Variants in TTC19 observed in about 807,000 individuals in gnomAD.
TTC19 encodes tetratricopeptide repeat domain 19.
Under a neutral mutation model 49.5 loss-of-function variants are expected in TTC19, and 38 were observed. The ratio of observed to expected loss-of-function variants is 0.77; its 90% CI spans 0.59 to 1.01. TTC19 has a LOEUF of 1.01. Ranked by LOEUF, TTC19 falls within the 50% of genes least tolerant of loss-of-function variation. TTC19 has a pLI of 0.00. For synonymous variants in TTC19, 204 were observed against 185.2 expected (o/e 1.10, Z -0.83); for missense variants, 475 against 477.7 (o/e 0.99, Z 0.05).
chr17:16,026,992 T>C (rs1971582415), intron 9 of TTC19: 1 of 532,928 alleles, frequency 1.9e-6, no homozygotes, highest in African/African-American at 1.9e-5. Context: ...TCTAAATGTG[T>C]TCAGTTACAA....
intron 2 of TTC19, chr17:16,044,475 G>A (rs1421049824): frequency 2.1e-6 from 1 of 474,120 alleles, no homozygotes; most frequent in East Asian, 6.9e-5. Context: ...GTAGATCACA[G>A]AAATAAAGCA....
In TTC19 at chr17:16,003,876, G is replaced by A. The variant is rs547548279; in HGVS notation, c.508G>A (p.Gly170Ser). 8 of 1,613,864 alleles carry A rather than the reference G, an allele frequency of 5.0e-6. No individual in the cohort carries two copies. Among genetic ancestry groups the A allele is most frequent in the South Asian group, 3.3e-5 (3 of 91,028 alleles). The change falls in exon 5 of 10, where the codon GGC (glycine) becomes AGC (serine). Residue 170 changes from glycine (G) to serine (S), a missense_variant. Physicochemically the swap from Gly to Ser is moderately conservative, Grantham distance 56. Coordinates refer to ENST00000261647, the MANE Select transcript of TTC19 (RefSeq NM_017775.4). ...KATMSYLLGG[G>S]MKQEDNAIIE... ...AACAATGAGTTACCTCCTTGGAGGG[G>A]GCATGAAGCAGGTAAGGACATTGCC...
rs763910870 is a variant in TTC19 at position 16,006,455 on chromosome 17, T to A, written c.582-19T>A. 1 of 1,534,368 alleles carries A rather than the reference T, an allele frequency of 6.5e-7. No homozygotes were observed. Among genetic ancestry groups the A allele is most frequent in the South Asian group, 1.1e-5 (1 of 89,442 alleles). On this transcript the variant is annotated intron_variant, in intron 6 of 9. Transcript: ENST00000261647. ...AAAGAAGAAAAGGTAAATGGCTGAT[T>A]ATTGATTTTGCTTTACAGACAGGAA...
chr17:15,999,906 C>T lies in TTC19; in HGVS notation c.58C>T (p.Arg20Trp), dbSNP rs1970661802. ...GRGFLRAAGR[R>W]CRGCSARLLP... The stretch of plus-strand genomic sequence containing the variant: ...AGGCTTCCTGCGGGCCGCGGGGCGG[C>T]GGTGCCGGGGCTGCTCCGCGCGCCT... Residue 20 changes from arginine to tryptophan, a missense_variant, in exon 1 of 10, where the codon CGG (arginine) becomes TGG (tryptophan). By Grantham distance (101) the Arg-to-Trp change is moderately radical. Transcript: ENST00000261647. 21 of 1,394,324 alleles carry T rather than the reference C, an allele frequency of 1.5e-5. No homozygotes were observed. Among genetic ancestry groups the T allele is most frequent in the South Asian group, 4.8e-5 (3 of 62,486 alleles). 86.4% of individuals were successfully genotyped at this position (1,394,324 alleles called of 1,614,324 possible). A position where few individuals can be genotyped will look rare whatever the true frequency, so the allele number is the denominator to read the frequency against.
At chr17:16,006,429 A>G (rs772395871) in intron 6 of TTC19, 45 bp from the exon 7 acceptor site, 1 of 1,408,224 alleles carries the variant, frequency 7.1e-7, no homozygotes. Flanking sequence ...GAAGAAAAAA[A>G]AAAGAAGAAA....
At chr17:16,023,435 A>T (rs1971444302) in intron 7 of TTC19, 1 of 152,194 alleles carries the variant, frequency 6.6e-6, no homozygotes, top group African/African-American at 2.4e-5. Context: ...CTAGTATATC[A>T]ACTTTGGAAA....
chr17:16,029,274 T>C lies in TTC19; in HGVS notation c.*1752T>C, dbSNP rs1266457596. 1 of 453,094 alleles carries C rather than the reference T, an allele frequency of 2.2e-6. No homozygotes were observed. The highest frequency in any genetic ancestry group is 4.4e-6 in the Non-Finnish European group (1 of 226,518). The allele number at this position is 453,094 out of a possible 1,614,324, so 28.1% of individuals were successfully genotyped here. A position where few individuals can be genotyped will look rare whatever the true frequency, so the allele number is the denominator to read the frequency against. On this transcript the variant is annotated 3_prime_UTR_variant, in exon 10 of 10. Transcript: ENST00000261647. ...AGGACAGTCTCTTCATGTGGGTGTTTTCATTACAGTTCATTTACACTGTTG... is the reference window on the plus strand; with the variant it reads ...AGGACAGTCTCTTCATGTGGGTGTTCTCATTACAGTTCATTTACACTGTTG...
chr17:16,034,646 T>A (rs1973746641), intron 2 of TTC19: 1 of 904,422 alleles, frequency 1.1e-6, no homozygotes, highest in Admixed American at 2.4e-5. Flanking sequence ...ATATTAATGA[T>A]ACAGAAATGG....
chr17:16,011,048 A>G (rs1971053965), intron 7 of TTC19, among the ~76,000 whole-genome samples: 1 of 152,178 alleles, frequency 6.6e-6, no homozygotes, highest in African/African-American at 2.4e-5. Context: ...TGTTATGTAT[A>G]TGCCAGATTC....
rs59895846 is a variant in TTC19 at position 16,022,038 on chromosome 17, G to A, written c.677-2979G>A. Reference sequence around the variant, plus strand: ...GTGCCTGTGGTCGGGGGGTTAAGGGGAGTGTAGGCTGGAGTGGTGCAATTT... The same window carrying A: ...GTGCCTGTGGTCGGGGGGTTAAGGGAAGTGTAGGCTGGAGTGGTGCAATTT... On this transcript the variant is annotated intron_variant, in intron 7 of 9. Coordinates refer to ENST00000261647, the MANE Select transcript of TTC19 (RefSeq NM_017775.4). 8.3e-3 allele frequency among the ~76,000 whole-genome samples: 1,270 copies of A among 152,258 alleles called. 16 individuals are homozygous for A. Among genetic ancestry groups the A allele is most frequent in the African/African-American group, 0.029 (1,197 of 41,548 alleles).
chr17:16,040,522 T>C (rs749026622), intron 2 of TTC19: 7 of 1,601,488 alleles, frequency 4.4e-6, no homozygotes, highest in Admixed American at 1.7e-5. Context: ...TTCAAGTTAA[T>C]TAAGATGTGA....
chr17:16,004,389 A>G lies in TTC19; in HGVS notation c.581+127A>G. The G allele has an allele frequency of 7.9e-6, 7 of 890,018 alleles. No individual in the cohort carries two copies. The South Asian group carries it at 8.1e-5, about 10-fold the overall frequency. 55.1% of individuals were successfully genotyped at this position (890,018 alleles called of 1,614,324 possible). On this transcript the variant is annotated intron_variant, in intron 6 of 9. Transcript: ENST00000261647. Reference sequence around the variant, plus strand: ...TTGGGTGTCACACTCAAAGTGTTCCATCCCTCATCTTTGAAATTGTCAGTC... The same window carrying G: ...TTGGGTGTCACACTCAAAGTGTTCCGTCCCTCATCTTTGAAATTGTCAGTC...
At chr17:16,040,183 T>C (rs968302940) in intron 2 of TTC19, 2 of 588,408 alleles carry the variant, frequency 3.4e-6, no homozygotes, top group Non-Finnish European at 3.2e-6. Flanking sequence ...ACTCAACAAT[T>C]TTCTCAGTTC....
chr17:16,007,424 T>C (rs986142010), intron 7 of TTC19, among the ~76,000 whole-genome samples: 3 of 149,314 alleles, frequency 2.0e-5, no homozygotes, highest in East Asian at 3.8e-4. Context: ...GTAGATCTTA[T>C]CAACCTCAGC....
chr17:16,027,558 T>C lies in TTC19; in HGVS notation c.*36T>C. On this transcript the variant is annotated 3_prime_UTR_variant, in exon 10 of 10. Transcript: ENST00000261647. ...GTGTAGGGAGAATAATGTCTAGTAATGTGGAAGAATAGCTATCATTCCTGT... is the reference window on the plus strand; with the variant it reads ...GTGTAGGGAGAATAATGTCTAGTAACGTGGAAGAATAGCTATCATTCCTGT... 1.2e-6 allele frequency: 2 copies of C among 1,610,208 alleles called. No individual in the cohort carries two copies. Among genetic ancestry groups the C allele is most frequent in the Non-Finnish European group, 1.7e-6 (2 of 1,177,022 alleles).
intron 8 of TTC19, among the ~76,000 whole-genome samples, chr17:16,026,117 T>C (rs1485318118): frequency 6.6e-6 from 1 of 150,546 alleles, no homozygotes; most frequent in Non-Finnish European, 1.5e-5. Context: ...TTTCTTGTTT[T>C]TGATGAGCCT....
Position 16,025,054 on chromosome 17 carries a change from G to T in TTC19, c.714G>T (p.Met238Ile), listed in dbSNP as rs1971504389. The T allele has an allele frequency of 6.2e-7, 1 of 1,613,872 alleles. No homozygotes were observed. Among genetic ancestry groups the T allele is most frequent in the African/African-American group, 1.3e-5 (1 of 74,930 alleles). The change falls in exon 8 of 10, where the codon ATG becomes ATT. Residue 238 changes from methionine to isoleucine, a missense_variant. Physicochemically the swap from Met to Ile is conservative, Grantham distance 10. Coordinates refer to ENST00000261647, the MANE Select transcript of TTC19 (RefSeq NM_017775.4). ...EKANTHLLLG[M>I]CLDACARYLL... Reference sequence around the variant, plus strand: ...CCAATACCCACCTCCTCTTGGGCATGTGCTTAGACGCCTGTGCTCGCTACC... The same window carrying T: ...CCAATACCCACCTCCTCTTGGGCATTTGCTTAGACGCCTGTGCTCGCTACC...
At chr17:16,042,029 C>T (rs1027738084) in intron 2 of TTC19, among the ~76,000 whole-genome samples, 8 of 152,242 alleles carry the variant, frequency 5.3e-5, no homozygotes, top group African/African-American at 1.4e-4. Flanking sequence ...CCACCGTGCC[C>T]GGCCAGAATG....
intron 7 of TTC19, among the ~76,000 whole-genome samples, chr17:16,019,321 A>C (rs1350727194): frequency 6.6e-6 from 1 of 152,236 alleles, no homozygotes; most frequent in East Asian, 1.9e-4. Context: ...TGACAGAGTG[A>C]AGACTCCGTC....
Sources: allele counts gnomAD v4.1 joint callset (sites outside exome capture counted in the v4.1 genomes callset), GRCh38; gene constraint gnomAD v4.1.1; transcripts MANE v1.5; gene names NCBI Gene and HGNC (gene_info 2026-07-23, HGNC 2026-07-21).